EEPD1: variants seen among roughly 807,000 people sequenced by gnomAD.
The protein encoded by EEPD1 is endonuclease/exonuclease/phosphatase family domain-containing protein 1.
Under a neutral mutation model 46.3 loss-of-function variants are expected in EEPD1, and 17 were observed. That is an observed-to-expected ratio of 0.37 (90% CI 0.25 to 0.55). The LOEUF (loss-of-function observed/expected upper bound fraction) is 0.55. Among genes scored for constraint, EEPD1 ranks in the 20% least tolerant of loss-of-function variants. EEPD1 has a pLI of 0.83. For missense variants in EEPD1, 673 were observed against 745.6 expected, an observed-to-expected ratio of 0.90 and a Z score of 1.13; for synonymous variants, 313 against 315.6, an observed-to-expected ratio of 0.99 and a Z score of 0.09.
At chr7:36,216,088 A>G (rs1786025604) in intron 2 of EEPD1, among the ~76,000 whole-genome samples, 2 of 152,240 alleles carry the variant, frequency 1.3e-5, no homozygotes, top group African/African-American at 4.8e-5. Flanking sequence ...CCTTTGGGGC[A>G]AAATATTGAT....
chr7:36,170,190 C>G (rs1450773911), intron 2 of EEPD1, among the ~76,000 whole-genome samples: 1 of 152,160 alleles, frequency 6.6e-6, no homozygotes, highest in Admixed American at 6.5e-5. Context: ...CTGAAGATCA[C>G]CTGAGGTCAG....
In EEPD1 at chr7:36,259,236, TCA is replaced by T. The variant is rs1459992948; in HGVS notation, c.930+20202_930+20203del. ...CCTCAGTTGGAAATGCAGAAATCAC[TCA>T]CTTTCTCCATTGATCTTGCTGGGAG... On this transcript the variant is annotated intron_variant, in intron 3 of 7. Coordinates refer to ENST00000242108, the MANE Select transcript of EEPD1 (RefSeq NM_030636.3). Among the ~76,000 whole-genome samples the T allele has an allele frequency of 1.1e-4, 17 of 152,248 alleles. 1 individual carries two copies. Among genetic ancestry groups the T allele is most frequent in the Non-Finnish European group, 2.4e-4 (16 of 68,016 alleles).
rs559905515 is a variant in EEPD1 at position 36,188,514 on chromosome 7, G to A, written c.878+33312G>A. 3.3e-5 allele frequency among the ~76,000 whole-genome samples: 5 copies of A among 152,304 alleles called. No homozygotes were observed. The South Asian group carries it at 8.3e-4, about 25-fold the overall frequency. Reference sequence around the variant, plus strand: ...GAGGCAGCTGGCTGGAGCCAGCGGCGCTGTGACCAACGGAGATACACAGGC... The same window carrying A: ...GAGGCAGCTGGCTGGAGCCAGCGGCACTGTGACCAACGGAGATACACAGGC... On this transcript the variant is annotated intron_variant, in intron 2 of 7. Coordinates refer to ENST00000242108, the MANE Select transcript of EEPD1 (RefSeq NM_030636.3).
At chr7:36,172,756 A>G (rs1170433146) in intron 2 of EEPD1, among the ~76,000 whole-genome samples, 4 of 151,950 alleles carry the variant, frequency 2.6e-5, no homozygotes, top group East Asian at 1.9e-4. Context: ...TAATAAGCCA[A>G]TAAACCTTAA....
chr7:36,259,873 A>T (rs1786892109), intron 3 of EEPD1, among the ~76,000 whole-genome samples: 1 of 152,142 alleles, frequency 6.6e-6, no homozygotes, highest in Admixed American at 6.5e-5. Context: ...ATTAGTGTGT[A>T]TTTACAGAGT....
intron 3 of EEPD1, among the ~76,000 whole-genome samples, chr7:36,272,367 G>T (rs1787122005): frequency 6.6e-6 from 1 of 152,178 alleles, no homozygotes; most frequent in African/African-American, 2.4e-5. Context: ...TGAAAGTGCA[G>T]AGTCCCTAAG....
chr7:36,219,355 T>C (rs914108492), intron 2 of EEPD1, among the ~76,000 whole-genome samples: 7 of 151,456 alleles, frequency 4.6e-5, no homozygotes, highest in Admixed American at 4.6e-4. Context: ...TAACAAGGAA[T>C]CTCCTATGAA....
At chr7:36,258,017 C>A (rs1465714933) in intron 3 of EEPD1, among the ~76,000 whole-genome samples, 1 of 152,152 alleles carries the variant, frequency 6.6e-6, no homozygotes, top group Non-Finnish European at 1.5e-5. Context: ...TTCGTGTGGA[C>A]ATCTTTTTTG....
intron 2 of EEPD1, among the ~76,000 whole-genome samples, chr7:36,219,804 AGAGTGTGTGT>A (rs569054437): frequency 0.11 from 9,883 of 87,806 alleles, 298 homozygotes; most frequent in Middle Eastern, 0.25. Context: ...AGAGAGAGAG[AGAGTGTGTGT>A]GTGTGTGTGT....
chr7:36,198,684 TC>T (rs1335557116), intron 2 of EEPD1, among the ~76,000 whole-genome samples: 1 of 152,200 alleles, frequency 6.6e-6, no homozygotes. Context: ...GATTAGACAT[TC>T]TATATTCCTT....
chr7:36,299,211 A>G lies in EEPD1; in HGVS notation c.*5A>G, dbSNP rs1460144339. On this transcript the variant is annotated 3_prime_UTR_variant, in exon 8 of 8. Coordinates refer to ENST00000242108, the MANE Select transcript of EEPD1 (RefSeq NM_030636.3). Reference sequence around the variant, plus strand: ...AACATCAAGCACGAGCGATGATGACACCAAATCCATGTGTCCACCCTGGGA... The same window carrying G: ...AACATCAAGCACGAGCGATGATGACGCCAAATCCATGTGTCCACCCTGGGA... 6.2e-7 allele frequency: 1 copy of G among 1,613,160 alleles called. No homozygotes were observed.
intron 2 of EEPD1, among the ~76,000 whole-genome samples, chr7:36,220,474 A>C (rs745437110): frequency 1.3e-5 from 2 of 152,194 alleles, no homozygotes; most frequent in Non-Finnish European, 2.9e-5. Context: ...AAAGAACCTC[A>C]TGGAAGTTCC....
intron 4 of EEPD1, among the ~76,000 whole-genome samples, chr7:36,283,708 C>T (rs73107643): frequency 2.5e-3 from 385 of 152,270 alleles, no homozygotes; most frequent in Non-Finnish European, 3.8e-3. Context: ...ACATTCATTC[C>T]CTCCCTCCCT....
At chr7:36,298,523 G>A (rs985713628) in intron 7 of EEPD1, among the ~76,000 whole-genome samples, 7 of 152,044 alleles carry the variant, frequency 4.6e-5, no homozygotes, top group Admixed American at 1.3e-4. Flanking sequence ...CTAAATCCTC[G>A]TTTTAAAAAT....
chr7:36,169,144 C>T (rs962042117), intron 2 of EEPD1, among the ~76,000 whole-genome samples: 2 of 152,160 alleles, frequency 1.3e-5, no homozygotes. Flanking sequence ...GTTGTTTCCA[C>T]TTTTTGGCTA....
rs2115870857 is a variant in EEPD1 at position 36,281,244 on chromosome 7, C to A, written c.1041+19C>A. 6.2e-7 allele frequency: 1 copy of A among 1,603,470 alleles called. No homozygotes were observed. The highest frequency in any genetic ancestry group is 8.5e-7 in the Non-Finnish European group (1 of 1,170,744). On this transcript the variant is annotated intron_variant, in intron 4 of 7. Transcript: ENST00000242108. ...CCAGAAGGTACCCTCGTCTGCAAAGCCTGGCCTTTCCCTTCATTTAATTTA... is the reference window on the plus strand; with the variant it reads ...CCAGAAGGTACCCTCGTCTGCAAAGACTGGCCTTTCCCTTCATTTAATTTA...
intron 2 of EEPD1, among the ~76,000 whole-genome samples, chr7:36,209,706 C>T (rs1016984655): frequency 6.6e-6 from 1 of 152,124 alleles, no homozygotes; most frequent in Non-Finnish European, 1.5e-5. Context: ...CTGGGCAGAT[C>T]TCGCGTGAAC....
At chr7:36,267,428 C>G (rs911935819) in intron 3 of EEPD1, among the ~76,000 whole-genome samples, 1 of 152,186 alleles carries the variant, frequency 6.6e-6, no homozygotes, top group Non-Finnish European at 1.5e-5. Context: ...ACTCTCCATG[C>G]TCTGTCCCAC....
intron 6 of EEPD1, among the ~76,000 whole-genome samples, chr7:36,289,150 A>G (rs1380792414): frequency 2.0e-5 from 3 of 152,222 alleles, no homozygotes; most frequent in Admixed American, 1.3e-4. Context: ...TTTCTAACAA[A>G]AAAGATTTTT....
Sources: allele counts gnomAD v4.1 joint callset (sites outside exome capture counted in the v4.1 genomes callset), GRCh38; gene constraint gnomAD v4.1.1; transcripts MANE v1.5; gene names NCBI Gene and HGNC (gene_info 2026-07-23, HGNC 2026-07-21).